Variants in RIMBP2 observed in about 807,000 individuals in gnomAD.
RIMBP2 encodes the protein RIMS-binding protein 2.
In RIMBP2, 48 loss-of-function variants were observed where a neutral mutation model predicts 118.6. The ratio of observed to expected loss-of-function variants is 0.40; its 90% confidence interval spans 0.32 to 0.51. The LOEUF (loss-of-function observed/expected upper bound fraction) is 0.51. Among genes scored for constraint, RIMBP2 ranks in the 20% least tolerant of loss-of-function variants. RIMBP2 has a pLI of 0.41. For missense variants in RIMBP2, 1,551 were observed against 1,768.3 expected (o/e 0.88, Z 2.20); for synonymous variants, 762 against 742.9 (o/e 1.03, Z -0.42).
intron 2 of RIMBP2, among the ~76,000 whole-genome samples, chr12:130,588,918 G>C (rs564590521): frequency 6.6e-6 from 1 of 152,202 alleles, no homozygotes; most frequent in Non-Finnish European, 1.5e-5. Flanking sequence ...TTTGGTAGCT[G>C]CAAGCCCCAC....
At chr12:130,645,176 G>A (rs973372015) in intron 1 of RIMBP2, among the ~76,000 whole-genome samples, 22 of 150,540 alleles carry the variant, frequency 1.5e-4, no homozygotes, top group African/African-American at 5.1e-4. Flanking sequence ...TGCAGCCTCC[G>A]TCCACCTCCC....
At chr12:130,470,579 A>G (rs1457610424) in intron 6 of RIMBP2, 114 bp downstream of exon 6, 1 of 505,476 alleles carries the variant, frequency 2.0e-6, no homozygotes, top group Non-Finnish European at 3.1e-6. Context: ...GGCATCTAGT[A>G]ACTGGTGCAC....
chr12:130,502,445 C>T (rs2049891940), intron 4 of RIMBP2, among the ~76,000 whole-genome samples: 2 of 152,114 alleles, frequency 1.3e-5, no homozygotes, highest in Admixed American at 6.6e-5. Context: ...TCCCCATTCA[C>T]TGTCCGGCCC....
At chr12:130,498,370 T>C (rs2049396346) in intron 4 of RIMBP2, among the ~76,000 whole-genome samples, 1 of 152,202 alleles carries the variant, frequency 6.6e-6, no homozygotes, top group South Asian at 2.1e-4. Flanking sequence ...ATTTATCGAG[T>C]GTCTACTATA....
chr12:130,406,190 A>G lies in RIMBP2; in HGVS notation c.3747T>C (p.Asp1249=), dbSNP rs369250525. 1.9e-6 allele frequency: 3 copies of G among 1,590,390 alleles called. No individual in the cohort carries two copies. The African/African-American group carries it at 4.0e-5, about 21-fold the overall frequency. The change falls in exon 21 of 23, where the codon GAT becomes GAC. Residue 1249 remains aspartate, a synonymous_variant. Transcript: ENST00000690449. ...AACTTACATAATAAAATCCATCTTCATCAATTTCACCAAAAACTGTAATAA... is the reference window on the plus strand; with the variant it reads ...AACTTACATAATAAAATCCATCTTCGTCAATTTCACCAAAAACTGTAATAA... ...GDIITVFGEI[D]EDGFYYGELN...
At chr12:130,634,923 TTC>T (rs2062254043) in intron 1 of RIMBP2, among the ~76,000 whole-genome samples, 1 of 152,100 alleles carries the variant, frequency 6.6e-6, no homozygotes, top group African/African-American at 2.4e-5. Flanking sequence ...ACAAATCATT[TTC>T]TGTTTCCAGT....
rs114341202 is a variant in RIMBP2 at position 130,535,048 on chromosome 12, G to A, written c.-216-17131C>T. ...GTCTGAAGCCCACTTGAGGTTCACCGGCTGCCCTTTAGCAAGCTCACGTCA... is the reference window on the plus strand; with the variant it reads ...GTCTGAAGCCCACTTGAGGTTCACCAGCTGCCCTTTAGCAAGCTCACGTCA... On this transcript the variant is annotated intron_variant, in intron 2 of 22. Coordinates refer to ENST00000690449, the MANE Select transcript of RIMBP2 (RefSeq NM_001393629.1). Among the ~76,000 whole-genome samples the A allele has an allele frequency of 1.2e-3, 177 of 152,270 alleles. 1 individual carries two copies. Among genetic ancestry groups the A allele is most frequent in the African/African-American group, 3.9e-3 (164 of 41,554 alleles).
chr12:130,406,114 A>G, intron 21 of RIMBP2, 58 bp downstream of exon 21: 1 of 1,156,736 alleles, frequency 8.6e-7, no homozygotes, highest in East Asian at 2.3e-5. Flanking sequence ...AACAAAACAC[A>G]CAAAATAAAT....
intron 19 of RIMBP2, among the ~76,000 whole-genome samples, chr12:130,408,960 C>T (rs1238892816): frequency 1.3e-5 from 2 of 152,150 alleles, no homozygotes; most frequent in African/African-American, 4.8e-5. Context: ...GTTTACAGGA[C>T]GCACACACGC....
chr12:130,577,939 A>G (rs1310402324), intron 2 of RIMBP2, among the ~76,000 whole-genome samples: 1 of 152,224 alleles, frequency 6.6e-6, no homozygotes, highest in Non-Finnish European at 1.5e-5. Context: ...TTAGCTTGAT[A>G]GTGGTAATCA....
At position 130,606,094 on chromosome 12, in the gene RIMBP2, G is replaced by GA. The variant is rs560303087; in HGVS notation, c.-217+22227dup. ...AAACAAAAAGAAAAAGAAAAGAGAG[G>GA]AAAAAAAAGCTAAAAATGAAAGGTT... On this transcript the variant is annotated intron_variant, in intron 2 of 22. Transcript: ENST00000690449. 5.2e-3 allele frequency among the ~76,000 whole-genome samples: 789 copies of GA among 150,872 alleles called. 4 individuals are homozygous for GA. The highest frequency in any genetic ancestry group is 0.014 in the African/African-American group (590 of 41,200).
chr12:130,524,622 T>C (rs778111583), intron 2 of RIMBP2, among the ~76,000 whole-genome samples: 3 of 152,090 alleles, frequency 2.0e-5, no homozygotes, highest in Non-Finnish European at 4.4e-5. Context: ...CTGTCAAAGG[T>C]GTTTAAGTGA....
intron 11 of RIMBP2, among the ~76,000 whole-genome samples, chr12:130,439,436 GGTGTGT>G (rs1225408471): frequency 2.1e-5 from 3 of 140,838 alleles, no homozygotes; most frequent in East Asian, 2.2e-4. Flanking sequence ...TGTGTATGTG[GGTGTGT>G]GGGTGTGGGT....
At chr12:130,567,590 A>G (rs2057319190) in intron 2 of RIMBP2, among the ~76,000 whole-genome samples, 1 of 152,052 alleles carries the variant, frequency 6.6e-6, no homozygotes, top group African/African-American at 2.4e-5. Context: ...CCCCCACATA[A>G]CTGGGCATCG....
intron 2 of RIMBP2, among the ~76,000 whole-genome samples, chr12:130,605,350 A>G (rs2060121292): frequency 6.6e-6 from 1 of 152,140 alleles, no homozygotes; most frequent in Non-Finnish European, 1.5e-5. Context: ...TCACGCGGGG[A>G]AACCGTGTTT....
At chr12:130,402,819 C>T (rs1407708201) in intron 21 of RIMBP2, among the ~76,000 whole-genome samples, 4 of 152,206 alleles carry the variant, frequency 2.6e-5, no homozygotes, top group Admixed American at 6.5e-5. Flanking sequence ...TACCTTAGTA[C>T]GCCACGTGAT....
rs2076680414 is a variant in RIMBP2, at chr12:130,424,930, G to A, written c.2413-72C>T. The A allele has an allele frequency of 1.1e-6, 1 of 941,462 alleles. No individual in the cohort carries two copies. Among genetic ancestry groups the A allele is most frequent in the Non-Finnish European group, 1.4e-6 (1 of 722,794 alleles). 58.3% of individuals were successfully genotyped at this position (941,462 alleles called of 1,614,324 possible). On this transcript the variant is annotated intron_variant, in intron 15 of 22. Transcript: ENST00000690449. This position sits in a 1 kb window ranked among gnomAD's most constrained non-coding sequence, Gnocchi z 9.8. ...TCAGCATGAAGTGGGGGCCAGGGGAGGAAAGAAAATACAGACAGAATTAGT... is the reference window on the plus strand; with the variant it reads ...TCAGCATGAAGTGGGGGCCAGGGGAAGAAAGAAAATACAGACAGAATTAGT...
intron 2 of RIMBP2, among the ~76,000 whole-genome samples, chr12:130,590,108 C>A (rs537728269): frequency 1.3e-5 from 2 of 152,210 alleles, no homozygotes; most frequent in Non-Finnish European, 2.9e-5. Context: ...TTCCTGCAGA[C>A]GCTTCTACAC....
Position 130,469,877 on chromosome 12 carries a change from C to T in RIMBP2, c.153+816G>A, listed in dbSNP as rs954579160. ...CTCCTTGAGGGGGTGGTGAATTACA[C>T]GATCCTTGACTTCGGCAGGTGGGGG... On this transcript the variant is annotated intron_variant, in intron 6 of 22. Coordinates refer to ENST00000690449, the MANE Select transcript of RIMBP2 (RefSeq NM_001393629.1). The surrounding 1 kb of genome is among the most constrained non-coding windows in gnomAD (Gnocchi z 4.8). Among the ~76,000 whole-genome samples, 3 of 152,308 alleles carry T rather than the reference C, an allele frequency of 2.0e-5. No individual in the cohort carries two copies. Among genetic ancestry groups the T allele is most frequent in the East Asian group, 1.9e-4 (1 of 5,174 alleles).
Sources: allele counts gnomAD v4.1 joint callset (sites outside exome capture counted in the v4.1 genomes callset), GRCh38; gene constraint gnomAD v4.1.1; non-coding constraint Gnocchi (gnomAD v3.1); transcripts MANE v1.5; gene names NCBI Gene and HGNC (gene_info 2026-07-23, HGNC 2026-07-21).